The following RIT2 variants were observed in gnomAD, a reference collection of about 807,000 sequenced individuals.
RIT2 encodes Ras like without CAAX 2.
A neutral mutation model predicts 23.7 loss-of-function variants in RIT2; 24 were observed. That is an observed-to-expected ratio of 1.01 (90% CI 0.73 to 1.43). RIT2 has a LOEUF of 1.43. RIT2 is among the 40% of genes most tolerant of loss of function. The pLI is 0.00. For missense variants in RIT2, 236 were observed against 266.9 expected (o/e 0.88, Z 0.81); for synonymous variants, 107 against 91.1 (o/e 1.17, Z -0.99).
chr18:42,962,651 A>C (rs747254370), intron 3 of RIT2, among the ~76,000 whole-genome samples: 1 of 152,224 alleles, frequency 6.6e-6, no homozygotes. Flanking sequence ...CCTGGCAGGA[A>C]AAATGTGTAT....
At chr18:42,931,096 C>G (rs1909314792) in intron 3 of RIT2, among the ~76,000 whole-genome samples, 1 of 152,084 alleles carries the variant, frequency 6.6e-6, no homozygotes, top group South Asian at 2.1e-4. Flanking sequence ...TCACTAGACT[C>G]TAACCTACCT....
chr18:42,752,282 T>A (rs541785862), intron 4 of RIT2, among the ~76,000 whole-genome samples: 1 of 152,296 alleles, frequency 6.6e-6, no homozygotes, highest in East Asian at 1.9e-4. Flanking sequence ...ATTAACATAT[T>A]CTTTTAGCAT....
chr18:42,874,698 T>C (rs1243746954), intron 4 of RIT2, among the ~76,000 whole-genome samples: 1 of 152,114 alleles, frequency 6.6e-6, no homozygotes, highest in Non-Finnish European at 1.5e-5. Flanking sequence ...CTTCATCATA[T>C]CATGTTATGA....
chr18:42,818,429 C>T (rs775682729), intron 4 of RIT2, among the ~76,000 whole-genome samples: 19 of 152,002 alleles, frequency 1.2e-4, no homozygotes, highest in Non-Finnish European at 2.5e-4. Flanking sequence ...GCAATTAGAA[C>T]CTTAAATGAT....
intron 4 of RIT2, among the ~76,000 whole-genome samples, chr18:42,785,315 C>T (rs1319642905): frequency 6.6e-6 from 1 of 152,034 alleles, no homozygotes; most frequent in African/African-American, 2.4e-5. Flanking sequence ...GTAGGAATAG[C>T]TGTGATCCAA....
chr18:43,043,716 G>A (rs1912181783), intron 1 of RIT2, among the ~76,000 whole-genome samples: 1 of 152,072 alleles, frequency 6.6e-6, no homozygotes, highest in Non-Finnish European at 1.5e-5. Context: ...CTTCAATCAG[G>A]GAGGTGGAGG....
intron 4 of RIT2, among the ~76,000 whole-genome samples, chr18:42,776,055 G>C (rs1913664808): frequency 6.6e-6 from 1 of 152,174 alleles, no homozygotes. Context: ...AAAGTTGGCA[G>C]CTGCAAGTGC....
At chr18:42,768,074 T>C (rs1913468568) in intron 4 of RIT2, among the ~76,000 whole-genome samples, 1 of 151,330 alleles carries the variant, frequency 6.6e-6, no homozygotes, top group Non-Finnish European at 1.5e-5. Context: ...ATGCATATTA[T>C]AGTATATAGC....
intron 4 of RIT2, among the ~76,000 whole-genome samples, chr18:42,909,472 T>A (rs1402410149): frequency 2.0e-5 from 3 of 152,164 alleles, no homozygotes; most frequent in Non-Finnish European, 2.9e-5. Flanking sequence ...TTGGAATACA[T>A]TTAAAAACCC....
chr18:43,044,224 T>C (rs1912195183), intron 1 of RIT2, among the ~76,000 whole-genome samples: 1 of 152,220 alleles, frequency 6.6e-6, no homozygotes, highest in Non-Finnish European at 1.5e-5. Context: ...TCTTCTGTAC[T>C]GAAAGAATGT....
At chr18:42,866,963 C>T (rs923791885) in intron 4 of RIT2, among the ~76,000 whole-genome samples, 1 of 152,166 alleles carries the variant, frequency 6.6e-6, no homozygotes, top group African/African-American at 2.4e-5. Flanking sequence ...GAATCTCCTG[C>T]TTTAAGTTTA....
chr18:42,795,836 C>G (rs7244665), intron 4 of RIT2, among the ~76,000 whole-genome samples: 49,338 of 152,022 alleles, frequency 0.32, 10,729 homozygotes, highest in African/African-American at 0.61. Flanking sequence ...ATGCACCAAT[C>G]GACACTCTGT....
chr18:42,804,168 A>G (rs528792202), intron 4 of RIT2, among the ~76,000 whole-genome samples: 1 of 152,372 alleles, frequency 6.6e-6, no homozygotes, highest in Non-Finnish European at 1.5e-5. Context: ...TTTACAAAGC[A>G]TCAGCACTTT....
At chr18:42,805,332 T>C (rs1437301513) in intron 4 of RIT2, among the ~76,000 whole-genome samples, 2 of 152,190 alleles carry the variant, frequency 1.3e-5, no homozygotes, top group Non-Finnish European at 2.9e-5. Flanking sequence ...TGATTACCTA[T>C]TTTTGAAATG....
chr18:42,744,011 G>A (rs111956612), intron 4 of RIT2, among the ~76,000 whole-genome samples: 9,975 of 152,138 alleles, frequency 0.066, 425 homozygotes, highest in South Asian at 0.14. Flanking sequence ...GAAAATGGTC[G>A]GTCCTTGCCT....
chr18:42,861,715 AG>A (rs1352878100), intron 4 of RIT2, among the ~76,000 whole-genome samples: 1 of 152,204 alleles, frequency 6.6e-6, no homozygotes, highest in African/African-American at 2.4e-5. Context: ...GATTCTGCAG[AG>A]CAATCTTCTT....
chr18:42,797,557 T>C (rs989826094), intron 4 of RIT2, among the ~76,000 whole-genome samples: 1 of 152,224 alleles, frequency 6.6e-6, no homozygotes, highest in Non-Finnish European at 1.5e-5. Context: ...GTTACTATTG[T>C]TTGTTGCAAA....
intron 1 of RIT2, among the ~76,000 whole-genome samples, chr18:43,039,773 G>A (rs2144292560): frequency 1.3e-5 from 2 of 152,256 alleles, no homozygotes; most frequent in African/African-American, 4.8e-5. Context: ...AGATTCAAGA[G>A]GCCAACTATA....
chr18:42,834,360 T>C (rs138614341), intron 4 of RIT2, among the ~76,000 whole-genome samples: 77 of 152,292 alleles, frequency 5.1e-4, no homozygotes, highest in African/African-American at 1.7e-3. Context: ...TCCAAGAGAC[T>C]TTATTTTCTT....
Sources: gnomAD v4.1 joint callset for allele counts (sites outside exome capture counted in the v4.1 genomes callset) on GRCh38, gnomAD v4.1.1 for gene constraint, MANE v1.5 for transcripts, NCBI Gene and HGNC (gene_info 2026-07-23, HGNC 2026-07-21) for gene names.